Variants in PCLO observed in about 807,000 individuals in gnomAD.
PCLO encodes the protein protein piccolo.
Under a neutral mutation model 427.5 loss-of-function variants are expected in PCLO, and 82 were observed. The ratio of observed to expected loss-of-function variants is 0.19; its 90% confidence interval spans 0.16 to 0.23. The LOEUF (loss-of-function observed/expected upper bound fraction) is 0.23, where lower values mean the gene tolerates loss of function less well. Among genes scored for constraint, PCLO ranks in the 10% least tolerant of loss-of-function variants. The probability of loss-of-function intolerance (pLI) is 1.00; values close to 1 mark genes in which losing one functional copy is unlikely to be tolerated. For missense variants in PCLO, 6,239 were observed against 6,115.9 expected (o/e 1.02, Z -0.67); for synonymous variants, 2,357 against 2,155.4 (o/e 1.09, Z -2.59).
chr7:82,828,840 C>T (rs1792017102), intron 16 of PCLO, among the ~76,000 whole-genome samples: 1 of 152,046 alleles, frequency 6.6e-6, no homozygotes, highest in Non-Finnish European at 1.5e-5. Flanking sequence ...AATTTTCTGC[C>T]CAAGCTTATG....
intron 3 of PCLO, among the ~76,000 whole-genome samples, chr7:83,013,007 G>A (rs41594): frequency 0.28 from 42,843 of 151,932 alleles, 6,513 homozygotes; most frequent in Middle Eastern, 0.45. Flanking sequence ...TGCTATATGA[G>A]TTCAATACTC....
chr7:82,804,358 T>C (rs1358103192), intron 21 of PCLO, among the ~76,000 whole-genome samples: 3 of 152,130 alleles, frequency 2.0e-5, no homozygotes, highest in African/African-American at 7.2e-5. Flanking sequence ...AAAAATGTAG[T>C]TCAAAACAAC....
intron 6 of PCLO, among the ~76,000 whole-genome samples, chr7:82,928,444 A>G (rs1687311840): frequency 6.6e-6 from 1 of 152,120 alleles, no homozygotes; most frequent in Admixed American, 6.6e-5. Flanking sequence ...CAGGTCTGTT[A>G]AGAGTGCAGT....
At chr7:83,075,294 T>C (rs1353663621) in intron 3 of PCLO, among the ~76,000 whole-genome samples, 2 of 152,126 alleles carry the variant, frequency 1.3e-5, no homozygotes, top group Non-Finnish European at 2.9e-5. Context: ...AACTTTTAAC[T>C]TGATAGATTT....
At chr7:82,884,576 T>C (rs1793586254) in intron 9 of PCLO, among the ~76,000 whole-genome samples, 1 of 152,168 alleles carries the variant, frequency 6.6e-6, no homozygotes, top group Non-Finnish European at 1.5e-5. Context: ...ATTGCAAAAT[T>C]AGAAGCATAA....
At chr7:82,895,362 A>G (rs1185752005) in intron 9 of PCLO, among the ~76,000 whole-genome samples, 1 of 151,964 alleles carries the variant, frequency 6.6e-6, no homozygotes, top group African/African-American at 2.4e-5. Context: ...TGTCTATGTC[A>G]CAAAACAAGA....
chr7:82,826,135 T>G (rs554249135), intron 18 of PCLO, among the ~76,000 whole-genome samples: 1 of 151,866 alleles, frequency 6.6e-6, no homozygotes, highest in East Asian at 1.9e-4. Flanking sequence ...AAAATTGTTT[T>G]TATTGTTTTC....
chr7:82,821,251 G>A (rs1791784307), intron 20 of PCLO: 5 of 987,320 alleles, frequency 5.1e-6, no homozygotes, highest in Non-Finnish European at 6.0e-6. Context: ...TGCTGTGTCT[G>A]TGCTGCTTCC....
At chr7:82,929,295 C>T (rs1210797363) in intron 6 of PCLO, among the ~76,000 whole-genome samples, 4 of 152,086 alleles carry the variant, frequency 2.6e-5, no homozygotes, top group African/African-American at 9.7e-5. Context: ...ATCTCTAATA[C>T]AACCTTATTA....
intron 3 of PCLO, among the ~76,000 whole-genome samples, chr7:82,968,517 C>CTTTTTTT (rs11324005): frequency 4.1e-5 from 3 of 73,228 alleles, no homozygotes; most frequent in African/African-American, 1.4e-4. Context: ...CAGAGTCTGA[C>CTTTTTTT]TTTTTTTTTT....
chr7:83,098,647 T>TA (rs78890928), intron 3 of PCLO, among the ~76,000 whole-genome samples: 69,723 of 151,880 alleles, frequency 0.46, 16,425 homozygotes, highest in East Asian at 0.71. Flanking sequence ...ATATGTTCAT[T>TA]AAAAAATTGC....
chr7:82,822,176 C>T (rs1373403776), intron 20 of PCLO: 16 of 1,116,940 alleles, frequency 1.4e-5, no homozygotes, highest in East Asian at 6.3e-5. Flanking sequence ...GATATTTAAG[C>T]GCAAACAAAA....
At position 82,915,166 on chromosome 7, in the gene PCLO, C is replaced by T. The variant is rs777954844; in HGVS notation, c.12820G>A (p.Ala4274Thr). ...LGTLGNTIRS[A>T]LQDEADKPYS... ...GGCTTATCCGCTTCATCCTGCAGAG[C>T]TGAGCGTATGGTATTTCCTAATGTG... Residue 4274 changes from alanine to threonine, a missense_variant, in exon 7 of 25, where the codon GCT becomes ACT. By Grantham distance (58) the Ala-to-Thr change is moderately conservative. Around this residue, in one of 5 missense-constraint regions of PCLO, gnomAD observed 680 missense variants for 677.3 expected, o/e 1.00. Transcript: ENST00000333891. 3.1e-6 allele frequency: 5 copies of T among 1,599,158 alleles called. No homozygotes were observed. Among genetic ancestry groups the T allele is most frequent in the Non-Finnish European group, 4.3e-6 (5 of 1,171,992 alleles).
At position 82,952,250 on chromosome 7, in the gene PCLO, A is replaced by C. The variant is rs1252182587; in HGVS notation, c.8703T>G (p.Ser2901Arg). 33 of 1,613,882 alleles carry C rather than the reference A, an allele frequency of 2.0e-5. No homozygotes were observed. The highest frequency in any genetic ancestry group is 2.7e-5 in the Non-Finnish European group (32 of 1,179,828). ...CGACTGTTCTGTGAGACTTGGTTGT[A>C]CTGAGATCCACTACTTCCCCATCAG... ...GITDGEVVDLSTTKSHRTVVT... is the reference protein window; with the variant it reads ...GITDGEVVDLRTTKSHRTVVT... The change falls in exon 5 of 25, where the codon AGT (serine) becomes AGG (arginine). Residue 2901 changes from serine to arginine, a missense_variant. Physicochemically the swap from Ser to Arg is moderately radical, Grantham distance 110 (BLOSUM62 -1). Transcript: ENST00000333891.
chr7:83,066,313 C>G (rs946719481), intron 3 of PCLO, among the ~76,000 whole-genome samples: 1 of 152,028 alleles, frequency 6.6e-6, no homozygotes, highest in Non-Finnish European at 1.5e-5. Context: ...TAAATTCTCA[C>G]TGTCTCAGCT....
chr7:82,861,169 G>A (rs150899999), intron 10 of PCLO, among the ~76,000 whole-genome samples: 125 of 152,010 alleles, frequency 8.2e-4, no homozygotes, highest in African/African-American at 2.6e-3. Context: ...GTGGCTGAAT[G>A]GGTGAATAAA....
chr7:82,794,450 A>AATTTTTTTCTGTTTTTTT (rs1791172618), intron 22 of PCLO, among the ~76,000 whole-genome samples: 1 of 62,030 alleles, frequency 1.6e-5, no homozygotes, highest in African/African-American at 4.1e-5. Flanking sequence ...TAGTTCATAA[A>AATTTTTTTCTGTTTTTTT]TTTTTTTTCT....
intron 3 of PCLO, among the ~76,000 whole-genome samples, chr7:83,073,998 T>C (rs1236754980): frequency 6.6e-6 from 1 of 151,798 alleles, no homozygotes; most frequent in Non-Finnish European, 1.5e-5. Flanking sequence ...ATATAGAAAA[T>C]TAATTCAGCA....
At chr7:82,958,318 CCTTCCTTCCTT>C (rs971701679) in intron 4 of PCLO, among the ~76,000 whole-genome samples, 7 of 150,350 alleles carry the variant, frequency 4.7e-5, no homozygotes, top group Admixed American at 6.6e-5. Flanking sequence ...CTTCCTTCAT[CCTTCCTTCCTT>C]CTTCCTTCCT....
Sources: gnomAD v4.1 joint callset for allele counts (sites outside exome capture counted in the v4.1 genomes callset) on GRCh38, gnomAD v4.1.1 for gene constraint, gnomAD v4.1.1 regional missense constraint, MANE v1.5 for transcripts, NCBI Gene and HGNC (gene_info 2026-07-23, HGNC 2026-07-21) for gene names.